Variants in DENND1B observed in about 807,000 individuals in gnomAD.
DENND1B encodes the protein DENN domain-containing protein 1B.
In DENND1B, 59 loss-of-function variants were observed where a neutral mutation model predicts 90.1. The observed-to-expected ratio is 0.65, with a 90% confidence interval of 0.53 to 0.81. DENND1B has a LOEUF of 0.81. Ranked by LOEUF, DENND1B falls within the 40% of genes least tolerant of loss-of-function variation. The pLI is 0.00. For synonymous variants in DENND1B, 337 were observed against 324.6 expected, an observed-to-expected ratio of 1.04 and a Z score of -0.41; for missense variants, 862 against 912.6, an observed-to-expected ratio of 0.94 and a Z score of 0.71.
At chr1:197,595,416 A>C in intron 13 of DENND1B, 83 bp from the exon 14 acceptor site, 1 of 1,547,372 alleles carries the variant, frequency 6.5e-7, no homozygotes, top group Non-Finnish European at 8.7e-7. Flanking sequence ...GGCAAACCAC[A>C]GTGTCTGTAG....
chr1:197,650,055 C>T (rs1469708622), intron 7 of DENND1B, among the ~76,000 whole-genome samples: 1 of 151,976 alleles, frequency 6.6e-6, no homozygotes, highest in Non-Finnish European at 1.5e-5. Context: ...CATGAATAGA[C>T]ATTTCTCAAA....
In DENND1B at chr1:197,714,976, G is replaced by A. The variant is rs1571469731; in HGVS notation, c.126+55C>T. The A allele has an allele frequency of 2.3e-6, 3 of 1,303,994 alleles. 1 individual carries two copies. The South Asian group carries it at 3.7e-5, about 16-fold the overall frequency. The allele number at this position is 1,303,994 out of a possible 1,614,324, so 80.8% of individuals were successfully genotyped here. A position where few individuals can be genotyped will look rare whatever the true frequency, so the allele number is the denominator to read the frequency against. On this transcript the variant is annotated intron_variant, in intron 3 of 22. Coordinates refer to ENST00000620048, the MANE Select transcript of DENND1B (RefSeq NM_001195215.2). Reference sequence around the variant, plus strand: ...ACTAGCAACAGCAGCAGTAATAGTAGCAACAATCATAATACTTCAACTTTA... The same window carrying A: ...ACTAGCAACAGCAGCAGTAATAGTAACAACAATCATAATACTTCAACTTTA...
intron 3 of DENND1B, among the ~76,000 whole-genome samples, chr1:197,705,522 C>A (rs1340593583): frequency 1.3e-5 from 2 of 151,650 alleles, no homozygotes; most frequent in African/African-American, 4.8e-5. Flanking sequence ...CAATTAAGCC[C>A]CAAATGAAAA....
At chr1:197,550,424 C>T (rs143347077) in intron 16 of DENND1B, among the ~76,000 whole-genome samples, 3 of 151,944 alleles carry the variant, frequency 2.0e-5, no homozygotes, top group Non-Finnish European at 4.4e-5. Context: ...AATGAAAGTA[C>T]CTCCTTTGCT....
rs1486673779 is a variant in DENND1B at position 197,617,777 on chromosome 1, A to G, written c.673-18T>C. ...GCAGTTAACTGAAATTTGTAAAAGG[A>G]TAACAAAAATAAGTAGCTGCTGACC... On this transcript the variant is annotated intron_variant, in intron 10 of 22. Transcript: ENST00000620048. The G allele has an allele frequency of 3.8e-6, 6 of 1,572,398 alleles. No individual in the cohort carries two copies. The highest frequency in any genetic ancestry group is 1.1e-5 in the South Asian group (1 of 90,126).
chr1:197,640,130 G>T (rs1680142384), intron 10 of DENND1B, among the ~76,000 whole-genome samples: 1 of 152,156 alleles, frequency 6.6e-6, no homozygotes, highest in Admixed American at 6.5e-5. Context: ...TAAGTTAAAA[G>T]ATAGTAATGT....
intron 2 of DENND1B, among the ~76,000 whole-genome samples, chr1:197,722,507 A>T (rs941329754): frequency 1.3e-5 from 2 of 152,182 alleles, no homozygotes; most frequent in Non-Finnish European, 2.9e-5. Flanking sequence ...AGTTATCTAT[A>T]GGAAGACATT....
At chr1:197,554,481 T>C (rs1261715261) in intron 15 of DENND1B, among the ~76,000 whole-genome samples, 3 of 151,978 alleles carry the variant, frequency 2.0e-5, no homozygotes, top group Admixed American at 6.6e-5. Flanking sequence ...GTTTGAACGG[T>C]TAATGAACAA....
chr1:197,694,856 T>C (rs1388189699), intron 3 of DENND1B, among the ~76,000 whole-genome samples: 2 of 151,310 alleles, frequency 1.3e-5, no homozygotes, highest in Non-Finnish European at 3.0e-5. Flanking sequence ...AGTAAAAATC[T>C]GTTCACCCTT....
intron 18 of DENND1B, among the ~76,000 whole-genome samples, chr1:197,544,976 G>A (rs1329413248): frequency 2.5e-5 from 1 of 39,216 alleles, no homozygotes; most frequent in Non-Finnish European, 5.8e-5. Context: ...AAGGAGGAAG[G>A]AGGAAGGGGA....
rs150218196 is a variant in DENND1B, at chr1:197,598,047, C to T, written c.922-2714G>A. ...TAATGTGGCTACAAGAAAACACAAT[C>T]ATACATGTGGCTCACATTTTATTTT... On this transcript the variant is annotated intron_variant, in intron 13 of 22. Coordinates refer to ENST00000620048, the MANE Select transcript of DENND1B (RefSeq NM_001195215.2). Among the ~76,000 whole-genome samples, 323 of 151,988 alleles carry T rather than the reference C, an allele frequency of 2.1e-3. 1 individual carries two copies. Among genetic ancestry groups the T allele is most frequent in the African/African-American group, 7.6e-3 (316 of 41,526 alleles).
chr1:197,598,986 A>C (rs2125818398), intron 13 of DENND1B, among the ~76,000 whole-genome samples: 1 of 151,920 alleles, frequency 6.6e-6, no homozygotes, highest in African/African-American at 2.4e-5. Context: ...TCAGACCTCC[A>C]AGCAGCCATC....
At position 197,508,644 on chromosome 1, in the gene DENND1B, T is replaced by C. The variant is rs1000355484; in HGVS notation, c.*1816A>G. On this transcript the variant is annotated 3_prime_UTR_variant, in exon 23 of 23. Coordinates refer to ENST00000620048, the MANE Select transcript of DENND1B (RefSeq NM_001195215.2). ...GGATTTTAGCTGAAATTATATTCTT[T>C]CAATAAATATTTAGAATATAGTCTT... 4 of 151,756 alleles carry C rather than the reference T, an allele frequency of 2.6e-5. No homozygotes were observed. Among genetic ancestry groups the C allele is most frequent in the Non-Finnish European group, 5.9e-5 (4 of 67,808 alleles). The allele number at this position is 151,756 out of a possible 1,614,324, so 9.4% of individuals were successfully genotyped here. A position where few individuals can be genotyped will look rare whatever the true frequency, so the allele number is the denominator to read the frequency against.
chr1:197,690,330 C>A, intron 3 of DENND1B: 1 of 177,856 alleles, frequency 5.6e-6, no homozygotes, highest in Admixed American at 6.1e-5. Flanking sequence ...TTCTGGTTAT[C>A]CTCCTATACT....
At chr1:197,567,380 C>T (rs1214346507) in intron 15 of DENND1B, among the ~76,000 whole-genome samples, 3 of 151,706 alleles carry the variant, frequency 2.0e-5, no homozygotes, top group African/African-American at 4.8e-5. Context: ...CAAAGAAAAC[C>T]CCAGACCTGA....
intron 15 of DENND1B, among the ~76,000 whole-genome samples, chr1:197,567,269 G>T (rs907101831): frequency 6.6e-6 from 1 of 151,904 alleles, no homozygotes. Context: ...TAACCCAGAA[G>T]AAATGAATAA....
intron 10 of DENND1B, among the ~76,000 whole-genome samples, chr1:197,626,155 C>T (rs543380102): frequency 4.3e-4 from 66 of 152,192 alleles, no homozygotes; most frequent in African/African-American, 1.6e-3. Context: ...TTGAACTCAG[C>T]TCTGCACCAA....
At chr1:197,679,232 T>C (rs1040062008) in intron 3 of DENND1B, among the ~76,000 whole-genome samples, 16 of 151,812 alleles carry the variant, frequency 1.1e-4, no homozygotes, top group Non-Finnish European at 1.8e-4. Flanking sequence ...GCAATCACTT[T>C]AGTTTGATCC....
intron 2 of DENND1B, among the ~76,000 whole-genome samples, chr1:197,761,170 T>C (rs1020119083): frequency 3.7e-4 from 57 of 152,226 alleles, no homozygotes; most frequent in African/African-American, 1.3e-3. Flanking sequence ...AGTCTTGAAG[T>C]AATAAGAACA....
Sources: gnomAD v4.1 joint callset for allele counts (sites outside exome capture counted in the v4.1 genomes callset) on GRCh38, gnomAD v4.1.1 for gene constraint, MANE v1.5 for transcripts, NCBI Gene and HGNC (gene_info 2026-07-23, HGNC 2026-07-21) for gene names.